IPMK: variants seen among roughly 807,000 people sequenced by gnomAD.
IPMK encodes the protein inositol 1,3,4,6-tetrakisphosphate 5-kinase.
Under a neutral mutation model 45.8 loss-of-function variants are expected in IPMK, and 17 were observed. That is an observed-to-expected ratio of 0.37 (90% CI 0.25 to 0.56). The LOEUF (loss-of-function observed/expected upper bound fraction) is 0.56. Ranked by LOEUF, IPMK falls within the 20% of genes least tolerant of loss-of-function variation. The pLI, the probability that IPMK is intolerant of heterozygous loss-of-function variation, is 0.79. For missense variants in IPMK, 399 were observed against 498.0 expected (o/e 0.80, Z 1.89); for synonymous variants, 180 against 184.3 (o/e 0.98, Z 0.19).
In IPMK at chr10:58,191,553, ACAG is replaced by A. The variant is rs1302217566; in HGVS notation, c.*4520_*4522del. The A allele has an allele frequency of 1.3e-5, 2 of 152,136 alleles. No individual in the cohort carries two copies. The highest frequency in any genetic ancestry group is 2.9e-5 in the Non-Finnish European group (2 of 67,974). 9.4% of individuals were successfully genotyped at this position (152,136 alleles called of 1,614,324 possible). On this transcript the variant is annotated 3_prime_UTR_variant, in exon 6 of 6. Coordinates refer to ENST00000373935, the MANE Select transcript of IPMK (RefSeq NM_152230.5). ...AACATTTTAATAGGTTGTCAAATAT[ACAG>A]TTATTAGAATTATGTAAATATCACT...
chr10:58,267,375 C>G (rs765878793), intron 1 of IPMK, 47 bp downstream of exon 1: 1 of 1,593,026 alleles, frequency 6.3e-7, no homozygotes, highest in South Asian at 1.1e-5. Flanking sequence ...ACAGGGGGCT[C>G]GCACAGGCGG....
chr10:58,216,889 T>G (rs1838251624), intron 3 of IPMK, among the ~76,000 whole-genome samples: 1 of 152,204 alleles, frequency 6.6e-6, no homozygotes, highest in South Asian at 2.1e-4. Context: ...TCTTGCTTTG[T>G]TGCCTGGGCT....
intron 5 of IPMK, 47 bp from the exon 6 acceptor site, chr10:58,196,745 T>A: frequency 7.7e-7 from 1 of 1,303,310 alleles, no homozygotes; most frequent in Non-Finnish European, 1.1e-6. Context: ...ATGAAATAAC[T>A]ATTATTTGGG....
intron 4 of IPMK, chr10:58,212,743 G>T: frequency 4.4e-6 from 1 of 229,192 alleles, no homozygotes; most frequent in South Asian, 7.0e-5. Flanking sequence ...GCCTTTGATT[G>T]TTTTCATGTA....
intron 4 of IPMK, among the ~76,000 whole-genome samples, chr10:58,209,432 C>A (rs1838123235): frequency 6.6e-6 from 1 of 152,196 alleles, no homozygotes; most frequent in African/African-American, 2.4e-5. Flanking sequence ...TCTTTTGTCC[C>A]ACAGGGTGAT....
chr10:58,223,755 T>C (rs1490851928), intron 3 of IPMK, among the ~76,000 whole-genome samples: 2 of 152,116 alleles, frequency 1.3e-5, no homozygotes, highest in East Asian at 1.9e-4. Flanking sequence ...TGGAAGGTGA[T>C]TGGATTATGG....
intron 2 of IPMK, among the ~76,000 whole-genome samples, chr10:58,229,711 G>A (rs1838481092): frequency 1.3e-5 from 2 of 152,014 alleles, no homozygotes; most frequent in South Asian, 2.1e-4. Flanking sequence ...ATGAAAAAGA[G>A]GAAAGAAAGA....
chr10:58,227,014 C>T (rs2132158993), intron 3 of IPMK, 29 bp downstream of exon 3: 1 of 1,488,672 alleles, frequency 6.7e-7, no homozygotes, highest in East Asian at 2.3e-5. Flanking sequence ...TGAATTAAAA[C>T]TGAAAGATAA....
intron 1 of IPMK, among the ~76,000 whole-genome samples, chr10:58,251,447 G>A (rs1838878297): frequency 6.6e-6 from 1 of 150,906 alleles, no homozygotes; most frequent in South Asian, 2.1e-4. Flanking sequence ...TGAAAAAAAT[G>A]TGTATTCTGC....
At chr10:58,245,880 G>A (rs1328832818) in intron 1 of IPMK, among the ~76,000 whole-genome samples, 2 of 137,324 alleles carry the variant, frequency 1.5e-5, no homozygotes, top group African/African-American at 6.4e-5. Flanking sequence ...GTTTGCAGAC[G>A]ACATGATTGT....
At chr10:58,245,218 T>C (rs1415590652) in intron 1 of IPMK, among the ~76,000 whole-genome samples, 1 of 150,508 alleles carries the variant, frequency 6.6e-6, no homozygotes, top group Non-Finnish European at 1.5e-5. Flanking sequence ...ATAGGAGATA[T>C]TTAAAGCAGT....
At chr10:58,221,296 CT>C (rs1394659767) in intron 3 of IPMK, among the ~76,000 whole-genome samples, 2 of 152,098 alleles carry the variant, frequency 1.3e-5, no homozygotes, top group Non-Finnish European at 2.9e-5. Context: ...AATCTCCTCA[CT>C]TTTCCATCCT....
At chr10:58,211,955 G>A (rs1032869440) in intron 4 of IPMK, among the ~76,000 whole-genome samples, 24 of 145,970 alleles carry the variant, frequency 1.6e-4, no homozygotes, top group Admixed American at 6.2e-4. Flanking sequence ...TTGTTGGTTT[G>A]CAAGAGGGAT....
chr10:58,201,581 T>C (rs1227585929), intron 4 of IPMK, among the ~76,000 whole-genome samples: 2 of 152,178 alleles, frequency 1.3e-5, no homozygotes, highest in South Asian at 4.1e-4. Flanking sequence ...AGGCACAATA[T>C]TGAAATTAGG....
intron 3 of IPMK, among the ~76,000 whole-genome samples, chr10:58,219,097 C>T (rs1353908832): frequency 3.3e-5 from 5 of 152,156 alleles, no homozygotes; most frequent in South Asian, 2.1e-4. Flanking sequence ...GTTGGAATTA[C>T]CAAATAACTG....
intron 2 of IPMK, among the ~76,000 whole-genome samples, chr10:58,233,165 T>A (rs2790223): frequency 0.34 from 51,469 of 151,968 alleles, 10,954 homozygotes; most frequent in African/African-American, 0.61. Context: ...GCTCTGAAAT[T>A]GAGGCAATAA....
chr10:58,267,600 C>G lies in IPMK; in HGVS notation c.12G>C (p.Glu4Asp). The G allele has an allele frequency of 6.3e-7, 1 of 1,599,214 alleles. No individual in the cohort carries two copies. Among genetic ancestry groups the G allele is most frequent in the Non-Finnish European group, 8.5e-7 (1 of 1,173,130 alleles). ...CCTCGACCCGGAGGGGGGATGGTGG[C>G]TCTGTTGCCATAACGGAGAGCAGAA... Reference protein sequence around the residue: MATEPPSPLRVEAP... With the variant: MATDPPSPLRVEAP... Residue 4 changes from glutamate to aspartate, a missense_variant, in exon 1 of 6, where the codon GAG becomes GAC. Glu to Asp is a conservative substitution (Grantham distance 45, BLOSUM62 2). Coordinates refer to ENST00000373935, the MANE Select transcript of IPMK (RefSeq NM_152230.5).
At chr10:58,254,567 A>T (rs2132176528) in intron 1 of IPMK, among the ~76,000 whole-genome samples, 1 of 152,302 alleles carries the variant, frequency 6.6e-6, no homozygotes, top group African/African-American at 2.4e-5. Flanking sequence ...ATTGGAGTTG[A>T]ACTGGTTTCT....
At chr10:58,200,002 T>C (rs1341702001) in intron 4 of IPMK, among the ~76,000 whole-genome samples, 2 of 152,196 alleles carry the variant, frequency 1.3e-5, no homozygotes, top group Admixed American at 6.5e-5. Context: ...GAAGATATCT[T>C]TAAAACATTC....
Sources: allele counts gnomAD v4.1 joint callset (sites outside exome capture counted in the v4.1 genomes callset), GRCh38; gene constraint gnomAD v4.1.1; transcripts MANE v1.5; gene names NCBI Gene and HGNC (gene_info 2026-07-23, HGNC 2026-07-21).